Variants in VTI1A observed in about 807,000 individuals in gnomAD.
VTI1A encodes the protein vesicle transport through interaction with t-SNAREs 1A, also known as vesicle transport through interaction with t-SNAREs homolog 1A.
In VTI1A, 22 loss-of-function variants were observed where a neutral mutation model predicts 34.9. That is an observed-to-expected ratio of 0.63 (90% CI 0.45 to 0.90). The LOEUF is 0.90. Ranked by LOEUF, VTI1A falls within the 40% of genes least tolerant of loss-of-function variation. VTI1A has a pLI of 0.00. For synonymous variants in VTI1A, 87 were observed against 97.3 expected (o/e 0.89, Z 0.62); for missense variants, 268 against 275.6 (o/e 0.97, Z 0.20).
intron 7 of VTI1A, among the ~76,000 whole-genome samples, chr10:112,814,275 C>G (rs1290921148): frequency 6.6e-6 from 1 of 152,098 alleles, no homozygotes; most frequent in African/African-American, 2.4e-5. Flanking sequence ...CCTTTTGCTG[C>G]TTGGTATTTG....
At chr10:112,558,855 G>A (rs192556862) in intron 5 of VTI1A, among the ~76,000 whole-genome samples, 33 of 152,346 alleles carry the variant, frequency 2.2e-4, no homozygotes, top group Middle Eastern at 3.4e-3. Flanking sequence ...GTCCTGTGAT[G>A]ATGTGGTGAC....
intron 7 of VTI1A, among the ~76,000 whole-genome samples, chr10:112,738,251 G>T (rs979619395): frequency 2.6e-5 from 4 of 152,044 alleles, no homozygotes; most frequent in Non-Finnish European, 5.9e-5. Flanking sequence ...CCTTCATCTG[G>T]GTAGATCCCA....
chr10:112,759,779 A>G (rs1192538752), intron 7 of VTI1A, among the ~76,000 whole-genome samples: 1 of 152,024 alleles, frequency 6.6e-6, no homozygotes, highest in East Asian at 1.9e-4. Flanking sequence ...CCACCCCACA[A>G]GTCTCCCATT....
At chr10:112,795,196 G>A (rs998186362) in intron 7 of VTI1A, among the ~76,000 whole-genome samples, 2 of 152,078 alleles carry the variant, frequency 1.3e-5, no homozygotes, top group Admixed American at 1.3e-4. Context: ...CATCAGATCC[G>A]ATTTTAAATA....
chr10:112,718,117 C>G (rs1849673811), intron 7 of VTI1A, among the ~76,000 whole-genome samples: 1 of 152,080 alleles, frequency 6.6e-6, no homozygotes, highest in South Asian at 2.1e-4. Context: ...TCCTGTTGCC[C>G]CATCTTCTAG....
At chr10:112,578,626 A>T (rs1843801980) in intron 5 of VTI1A, among the ~76,000 whole-genome samples, 1 of 152,180 alleles carries the variant, frequency 6.6e-6, no homozygotes, top group Non-Finnish European at 1.5e-5. Context: ...TATGAGTGCA[A>T]CTTGTAAGCT....
At chr10:112,490,848 G>A (rs1848796173) in intron 3 of VTI1A, among the ~76,000 whole-genome samples, 1 of 152,142 alleles carries the variant, frequency 6.6e-6, no homozygotes, top group Non-Finnish European at 1.5e-5. Flanking sequence ...CCGGGACCTG[G>A]CTGCTTTCCA....
chr10:112,836,519 C>T, the VTI1A span, among the ~76,000 whole-genome samples: 1 of 152,170 alleles, frequency 6.6e-6, no homozygotes, highest in Non-Finnish European at 1.5e-5. Flanking sequence ...CTTCAACTTT[C>T]CCTCCGCTAC....
chr10:112,548,725 T>A (rs1178419207), intron 5 of VTI1A: 2 of 1,375,988 alleles, frequency 1.5e-6, no homozygotes, highest in African/African-American at 2.9e-5. Flanking sequence ...CAACTGTCTA[T>A]CTCATATCAC....
At chr10:112,525,478 C>T (rs1470201046) in intron 3 of VTI1A, among the ~76,000 whole-genome samples, 1 of 152,124 alleles carries the variant, frequency 6.6e-6, no homozygotes, top group African/African-American at 2.4e-5. Context: ...AGCTGTGAGT[C>T]AGGACCCCAG....
chr10:112,740,358 C>T lies in VTI1A; in HGVS notation c.560+71360C>T, dbSNP rs552243818. Among the ~76,000 whole-genome samples the T allele has an allele frequency of 8.5e-5, 13 of 152,280 alleles. No individual in the cohort carries two copies. The South Asian group carries it at 2.3e-3, about 27-fold the overall frequency. On this transcript the variant is annotated intron_variant, in intron 7 of 7. Coordinates refer to ENST00000393077, the MANE Select transcript of VTI1A (RefSeq NM_145206.4). The stretch of plus-strand genomic sequence containing the variant: ...AGGCTGGAGTGCAGTGGTGCAATCT[C>T]GGCACACTGCAACCTCCGCCTCCCA...
intron 5 of VTI1A, among the ~76,000 whole-genome samples, chr10:112,644,397 A>G (rs1485200150): frequency 6.6e-6 from 1 of 152,214 alleles, no homozygotes; most frequent in Non-Finnish European, 1.5e-5. Flanking sequence ...AATGAAATCC[A>G]TTTGACAAAT....
chr10:112,778,287 C>T (rs560998164), intron 7 of VTI1A, among the ~76,000 whole-genome samples: 65 of 152,118 alleles, frequency 4.3e-4, no homozygotes, highest in Non-Finnish European at 6.2e-4. Context: ...AACTGAAGAA[C>T]CTTAGAATGG....
chr10:112,482,562 G>T (rs535171600), intron 3 of VTI1A, among the ~76,000 whole-genome samples: 1 of 152,146 alleles, frequency 6.6e-6, no homozygotes, highest in African/African-American at 2.4e-5. Context: ...CCATATTTTG[G>T]CATTTTGTGA....
chr10:112,471,649 T>C (rs1848088861), intron 3 of VTI1A, among the ~76,000 whole-genome samples: 1 of 152,078 alleles, frequency 6.6e-6, no homozygotes, highest in Admixed American at 6.6e-5. Flanking sequence ...AAAATGTATT[T>C]AATAGTCTGT....
chr10:112,807,639 A>G (rs1292329387), intron 7 of VTI1A, among the ~76,000 whole-genome samples: 3 of 152,114 alleles, frequency 2.0e-5, no homozygotes, highest in African/African-American at 7.2e-5. Flanking sequence ...GGATCACCTG[A>G]GGTCAGGAGT....
intron 5 of VTI1A, among the ~76,000 whole-genome samples, chr10:112,661,917 A>G (rs1276459875): frequency 1.3e-5 from 2 of 151,754 alleles, no homozygotes; most frequent in Non-Finnish European, 2.9e-5. Flanking sequence ...GGACTACAGC[A>G]CCCACTACCA....
rs565051626 is a variant in VTI1A at position 112,681,516 on chromosome 10, G to A, written c.560+12518G>A. 2.0e-5 allele frequency among the ~76,000 whole-genome samples: 3 copies of A among 152,198 alleles called. No homozygotes were observed. In the East Asian group the frequency reaches 5.8e-4, roughly 29 times the overall value. On this transcript the variant is annotated intron_variant, in intron 7 of 7. Transcript: ENST00000393077. The stretch of plus-strand genomic sequence containing the variant: ...AAATGATTGGGAAAAATCAAAAGAA[G>A]AATATTTTTGACATGTGAAAAATTA...
chr10:112,656,906 C>T (rs572161730), intron 5 of VTI1A, among the ~76,000 whole-genome samples: 1 of 152,210 alleles, frequency 6.6e-6, no homozygotes, highest in South Asian at 2.1e-4. Flanking sequence ...AGTGCCATCC[C>T]CTCAATGCCA....
Sources: allele counts gnomAD v4.1 joint callset (sites outside exome capture counted in the v4.1 genomes callset), GRCh38; gene constraint gnomAD v4.1.1; transcripts MANE v1.5; gene names NCBI Gene and HGNC (gene_info 2026-07-23, HGNC 2026-07-21).